Variants in ROBO1 observed in about 807,000 individuals in gnomAD.
The protein encoded by ROBO1 is roundabout guidance receptor 1, also known as roundabout homolog 1.
Under a neutral mutation model 195.9 loss-of-function variants are expected in ROBO1, and 149 were observed. The ratio of observed to expected loss-of-function variants is 0.76; its 90% CI spans 0.67 to 0.87. The LOEUF is 0.87. Ranked by LOEUF, ROBO1 falls within the 40% of genes least tolerant of loss-of-function variation. The pLI, the probability that ROBO1 is intolerant of heterozygous loss-of-function variation, is 0.00. For missense variants in ROBO1, 1,933 were observed against 2,068.3 expected (o/e 0.93, Z 1.27); for synonymous variants, 816 against 733.2 (o/e 1.11, Z -1.82).
At chr3:78,784,435 C>G (rs961372173) in intron 4 of ROBO1, among the ~76,000 whole-genome samples, 2 of 152,098 alleles carry the variant, frequency 1.3e-5, no homozygotes, top group African/African-American at 4.8e-5. Context: ...CATTGGGTAT[C>G]AGTTCAACTT....
intron 1 of ROBO1, among the ~76,000 whole-genome samples, chr3:79,757,006 T>C (rs1365829286): frequency 6.6e-6 from 1 of 152,202 alleles, no homozygotes; most frequent in Admixed American, 6.5e-5. Context: ...TTTCTTTTTA[T>C]GGTTGAAAAA....
intron 2 of ROBO1, among the ~76,000 whole-genome samples, chr3:79,252,082 T>A (rs2082740369): frequency 6.6e-6 from 1 of 152,128 alleles, no homozygotes; most frequent in African/African-American, 2.4e-5. Context: ...AAATTTTATC[T>A]CACAATATAT....
At chr3:78,969,046 T>C (rs561688413) in intron 3 of ROBO1, among the ~76,000 whole-genome samples, 2 of 152,322 alleles carry the variant, frequency 1.3e-5, no homozygotes, top group East Asian at 1.9e-4. Flanking sequence ...GCTGAAATCA[T>C]CTGATTTTTG....
intron 2 of ROBO1, among the ~76,000 whole-genome samples, chr3:79,501,762 A>T (rs1405483477): frequency 1.3e-5 from 2 of 152,228 alleles, no homozygotes; most frequent in Non-Finnish European, 2.9e-5. Flanking sequence ...TTAAAAAAAC[A>T]AATCTATGTC....
At chr3:79,640,839 C>A (rs142883371) in intron 1 of ROBO1, among the ~76,000 whole-genome samples, 1 of 152,282 alleles carries the variant, frequency 6.6e-6, no homozygotes, top group East Asian at 1.9e-4. Context: ...CAATAGGAAT[C>A]ATTGATATTC....
chr3:79,222,811 A>G (rs2082163618), intron 2 of ROBO1, among the ~76,000 whole-genome samples: 1 of 152,258 alleles, frequency 6.6e-6, no homozygotes, highest in East Asian at 1.9e-4. Context: ...ATAATTTAAT[A>G]TATTCGGGAT....
In ROBO1 at chr3:79,289,060, C is replaced by A. The variant is rs908472847; in HGVS notation, c.89-163521G>T. On this transcript the variant is annotated intron_variant, in intron 2 of 30. Transcript: ENST00000464233. Reference sequence around the variant, plus strand: ...AAAAGAAAGGAAAATGTAGAACTATCCAGAATATTTAATCTAAGTCCAGGT... The same window carrying A: ...AAAAGAAAGGAAAATGTAGAACTATACAGAATATTTAATCTAAGTCCAGGT... 2.7e-4 allele frequency among the ~76,000 whole-genome samples: 41 copies of A among 150,978 alleles called. 1 individual carries two copies. The highest frequency in any genetic ancestry group is 1.0e-3 in the African/African-American group (41 of 41,032).
chr3:79,709,413 G>A (rs1354861173), intron 1 of ROBO1, among the ~76,000 whole-genome samples: 1 of 152,034 alleles, frequency 6.6e-6, no homozygotes, highest in East Asian at 1.9e-4. Context: ...TAGCAACTAT[G>A]TGTACAAAGA....
intron 2 of ROBO1, among the ~76,000 whole-genome samples, chr3:79,209,134 A>C (rs1453043389): frequency 6.6e-6 from 1 of 152,126 alleles, no homozygotes; most frequent in Non-Finnish European, 1.5e-5. Context: ...ACTGTACCCA[A>C]TATGTAGTCT....
intron 2 of ROBO1, among the ~76,000 whole-genome samples, chr3:79,174,153 T>C (rs1021949444): frequency 1.3e-5 from 2 of 151,942 alleles, no homozygotes; most frequent in African/African-American, 2.4e-5. Context: ...TGTGGAAGCT[T>C]TGTTCTTTCG....
chr3:79,489,108 A>C (rs914664192), intron 2 of ROBO1, among the ~76,000 whole-genome samples: 21 of 148,740 alleles, frequency 1.4e-4, no homozygotes, highest in Non-Finnish European at 1.3e-4. Context: ...ATATATAAGT[A>C]CATATATATA....
At chr3:79,571,038 A>G (rs763405720) in intron 2 of ROBO1, among the ~76,000 whole-genome samples, 17 of 152,162 alleles carry the variant, frequency 1.1e-4, no homozygotes, top group Non-Finnish European at 2.4e-4. Context: ...CTGAGTGGTA[A>G]TATCACATGT....
intron 2 of ROBO1, among the ~76,000 whole-genome samples, chr3:79,137,015 A>G (rs2080423058): frequency 6.6e-6 from 1 of 152,152 alleles, no homozygotes; most frequent in Admixed American, 6.5e-5. Flanking sequence ...TAAAGCAGCA[A>G]TATGAGAACA....
rs560699248 is a variant in ROBO1, at chr3:79,250,527, T to G, written c.89-124988A>C. Among the ~76,000 whole-genome samples the G allele has an allele frequency of 2.5e-3, 386 of 152,218 alleles. 1 individual carries two copies. Among genetic ancestry groups the G allele is most frequent in the African/African-American group, 9.0e-3 (373 of 41,532 alleles). ...CAGAAATATCTAGTTTCAAGCTATG[T>G]TTTCTGGCTGTACGTTTGAAAATTT... On this transcript the variant is annotated intron_variant, in intron 2 of 30. Transcript: ENST00000464233.
chr3:79,018,778 G>A (rs931198974), intron 3 of ROBO1: 23 of 1,104,716 alleles, frequency 2.1e-5, no homozygotes, highest in Non-Finnish European at 2.6e-5. Flanking sequence ...GCCGTTTCCT[G>A]CCTCCACGGT....
At chr3:78,669,381 A>G (rs1293020793) in intron 11 of ROBO1, among the ~76,000 whole-genome samples, 1 of 152,254 alleles carries the variant, frequency 6.6e-6, no homozygotes, top group Non-Finnish European at 1.5e-5. Context: ...TGCTGATCCA[A>G]TACTCCAAAG....
At chr3:79,265,687 T>C (rs548810831) in intron 2 of ROBO1, among the ~76,000 whole-genome samples, 1 of 151,524 alleles carries the variant, frequency 6.6e-6, no homozygotes, top group Non-Finnish European at 1.5e-5. Context: ...CATTTTTCAA[T>C]CGAATATTCT....
intron 2 of ROBO1, among the ~76,000 whole-genome samples, chr3:79,393,368 A>G (rs1036014722): frequency 3.3e-5 from 5 of 152,216 alleles, no homozygotes; most frequent in African/African-American, 1.2e-4. Context: ...TCACCACTGT[A>G]TGCTGGTTAC....
At chr3:78,777,151 G>T (rs1341783171) in intron 4 of ROBO1, among the ~76,000 whole-genome samples, 3 of 152,014 alleles carry the variant, frequency 2.0e-5, no homozygotes, top group Non-Finnish European at 4.4e-5. Flanking sequence ...GCAAACTTCT[G>T]AAATATGCTA....
Sources: gnomAD v4.1 joint callset for allele counts (sites outside exome capture counted in the v4.1 genomes callset) on GRCh38, gnomAD v4.1.1 for gene constraint, MANE v1.5 for transcripts, NCBI Gene and HGNC (gene_info 2026-07-23, HGNC 2026-07-21) for gene names.